ATP8A2: variants seen among roughly 807,000 people sequenced by gnomAD.
ATP8A2 encodes the protein ATPase phospholipid transporting 8A2, also known as phospholipid-transporting ATPase IB.
Under a neutral mutation model 165.6 loss-of-function variants are expected in ATP8A2, and 100 were observed. The observed-to-expected ratio is 0.60, with a 90% CI of 0.51 to 0.71. ATP8A2 has a LOEUF of 0.71. ATP8A2 is among the 30% of genes least tolerant of loss of function. The pLI is 0.00. For missense variants in ATP8A2, 1,227 were observed against 1,479.5 expected (o/e 0.83, Z 2.80); for synonymous variants, 543 against 548.8 (o/e 0.99, Z 0.15).
intron 33 of ATP8A2, among the ~76,000 whole-genome samples, chr13:25,959,497 A>T (rs558907766): frequency 1.3e-5 from 2 of 152,322 alleles, no homozygotes; most frequent in South Asian, 4.1e-4. Context: ...GATGGTATCT[A>T]CTGATATGTA....
At chr13:25,381,155 C>T (rs1593230452) in intron 1 of ATP8A2, among the ~76,000 whole-genome samples, 2 of 152,158 alleles carry the variant, frequency 1.3e-5, no homozygotes, top group Admixed American at 1.3e-4. Context: ...AACACACTCA[C>T]GATTTATGAT....
At chr13:25,902,630 C>T (rs927610858) in intron 33 of ATP8A2, among the ~76,000 whole-genome samples, 5 of 151,292 alleles carry the variant, frequency 3.3e-5, no homozygotes, top group African/African-American at 9.7e-5. Context: ...TGTGTATGCA[C>T]GTGTGTGTGC....
intron 33 of ATP8A2, among the ~76,000 whole-genome samples, chr13:25,925,140 A>T (rs1954562876): frequency 1.3e-5 from 2 of 152,016 alleles, no homozygotes; most frequent in South Asian, 4.1e-4. Flanking sequence ...TTAATAAGTG[A>T]TGTGGTACTT....
At chr13:25,411,668 T>C (rs1421294932) in intron 1 of ATP8A2, among the ~76,000 whole-genome samples, 1 of 152,204 alleles carries the variant, frequency 6.6e-6, no homozygotes, top group Non-Finnish European at 1.5e-5. Flanking sequence ...TTCCATTTTA[T>C]GTTAAAAAGT....
intron 25 of ATP8A2, among the ~76,000 whole-genome samples, chr13:25,756,693 T>C (rs367595275): frequency 5.9e-5 from 9 of 152,204 alleles, no homozygotes; most frequent in African/African-American, 9.7e-5. Flanking sequence ...AGCACCAATT[T>C]TGCAGAGTTG....
intron 25 of ATP8A2, among the ~76,000 whole-genome samples, chr13:25,709,231 A>C (rs532559360): frequency 1.3e-5 from 2 of 152,366 alleles, no homozygotes; most frequent in Non-Finnish European, 2.9e-5. Context: ...AAGTATTCAT[A>C]GTGGCGTCCT....
intron 23 of ATP8A2, among the ~76,000 whole-genome samples, chr13:25,589,091 G>C (rs183782480): frequency 6.6e-6 from 1 of 151,886 alleles, no homozygotes; most frequent in African/African-American, 2.4e-5. Context: ...GAGTACTTTC[G>C]TTCCAAATAA....
At chr13:25,718,205 G>C (rs1042467525) in intron 25 of ATP8A2, among the ~76,000 whole-genome samples, 2 of 139,758 alleles carry the variant, frequency 1.4e-5, no homozygotes, top group African/African-American at 6.3e-5. Flanking sequence ...AGATCAATTT[G>C]TCATTTATTT....
chr13:25,912,947 A>G (rs1415783221), intron 33 of ATP8A2, among the ~76,000 whole-genome samples: 1 of 152,236 alleles, frequency 6.6e-6, no homozygotes, highest in Non-Finnish European at 1.5e-5. Context: ...CTTTGAGGTC[A>G]GATAGCCCTG....
intron 25 of ATP8A2, among the ~76,000 whole-genome samples, chr13:25,703,700 A>G (rs1487557318): frequency 1.3e-5 from 2 of 152,202 alleles, no homozygotes; most frequent in African/African-American, 4.8e-5. Flanking sequence ...ACCACATATT[A>G]TATGATTCCA....
intron 27 of ATP8A2, among the ~76,000 whole-genome samples, chr13:25,787,177 T>G (rs2138384113): frequency 6.6e-6 from 1 of 152,350 alleles, no homozygotes; most frequent in East Asian, 1.9e-4. Flanking sequence ...AGTATGACAC[T>G]GGCTCCAAAA....
At chr13:25,943,692 C>A (rs143748239) in intron 33 of ATP8A2, among the ~76,000 whole-genome samples, 2 of 152,294 alleles carry the variant, frequency 1.3e-5, no homozygotes, top group Admixed American at 6.5e-5. Context: ...GATTTGAAAA[C>A]GAATGTTATT....
chr13:25,698,457 TC>T (rs1452182206), intron 24 of ATP8A2, among the ~76,000 whole-genome samples: 1 of 152,132 alleles, frequency 6.6e-6, no homozygotes, highest in African/African-American at 2.4e-5. Context: ...GGTCTTGAAC[TC>T]CTGGGCTCAA....
At chr13:25,404,133 A>T (rs1337828277) in intron 1 of ATP8A2, among the ~76,000 whole-genome samples, 1 of 152,212 alleles carries the variant, frequency 6.6e-6, no homozygotes, top group African/African-American at 2.4e-5. Flanking sequence ...CAGGGAAAGT[A>T]GAGGAAGCAC....
intron 25 of ATP8A2, among the ~76,000 whole-genome samples, chr13:25,765,781 A>G (rs190874174): frequency 1.4e-4 from 22 of 152,242 alleles, no homozygotes; most frequent in African/African-American, 4.8e-4. Context: ...CAGTGAGTCT[A>G]TTTGACTTGC....
intron 33 of ATP8A2, among the ~76,000 whole-genome samples, chr13:25,911,478 G>A (rs1409553369): frequency 6.6e-6 from 1 of 152,088 alleles, no homozygotes; most frequent in Non-Finnish European, 1.5e-5. Flanking sequence ...CCAGAGAGGG[G>A]ACTAATTTGA....
At chr13:25,452,954 G>T (rs550091853) in intron 1 of ATP8A2, among the ~76,000 whole-genome samples, 2 of 151,714 alleles carry the variant, frequency 1.3e-5, no homozygotes, top group Non-Finnish European at 2.9e-5. Flanking sequence ...AATTAGCCAT[G>T]CATGGTGGTG....
At chr13:25,563,327 T>C (rs941767221) in intron 15 of ATP8A2, among the ~76,000 whole-genome samples, 3 of 151,918 alleles carry the variant, frequency 2.0e-5, no homozygotes, top group African/African-American at 7.3e-5. Context: ...GAGAATTGCT[T>C]GAACATGCCA....
At chr13:25,952,664 G>A (rs1284347833) in intron 33 of ATP8A2, among the ~76,000 whole-genome samples, 3 of 152,050 alleles carry the variant, frequency 2.0e-5, no homozygotes, top group South Asian at 2.1e-4. Flanking sequence ...GAGCCACCAC[G>A]CCTAGCCAGT....
Sources: gnomAD v4.1 joint callset for allele counts (sites outside exome capture counted in the v4.1 genomes callset) on GRCh38, gnomAD v4.1.1 for gene constraint, MANE v1.5 for transcripts, NCBI Gene and HGNC (gene_info 2026-07-23, HGNC 2026-07-21) for gene names.